The following MSI2 variants were observed in gnomAD, a reference collection of about 807,000 sequenced individuals.
MSI2 encodes RNA-binding protein Musashi homolog 2.
In MSI2, 17 loss-of-function variants were observed where a neutral mutation model predicts 45.6. That is an observed-to-expected ratio of 0.37 (90% CI 0.26 to 0.56). MSI2 has a LOEUF of 0.56. Among genes scored for constraint, MSI2 ranks in the 20% least tolerant of loss-of-function variants. MSI2 has a pLI of 0.77. For missense variants in MSI2, 293 were observed against 444.2 expected (o/e 0.66, Z 3.06); for synonymous variants, 156 against 158.2 (o/e 0.99, Z 0.11).
intron 7 of MSI2, among the ~76,000 whole-genome samples, chr17:57,533,369 C>G (rs1159816948): frequency 2.0e-5 from 3 of 152,226 alleles, no homozygotes; most frequent in Non-Finnish European, 4.4e-5. Flanking sequence ...TGTGGGGGCT[C>G]TCACCTTTCT....
At chr17:57,496,135 C>T (rs998678174) in intron 6 of MSI2, among the ~76,000 whole-genome samples, 5 of 152,120 alleles carry the variant, frequency 3.3e-5, no homozygotes, top group Non-Finnish European at 7.3e-5. Flanking sequence ...TAATTATTGT[C>T]GCTTGTGTCA....
chr17:57,406,743 CCT>C (rs1217682512), intron 6 of MSI2: 1 of 152,212 alleles, frequency 6.6e-6, no homozygotes, highest in Non-Finnish European at 1.5e-5. Context: ...TTTGTTCCTG[CCT>C]TTTATTGTCT....
intron 7 of MSI2, among the ~76,000 whole-genome samples, chr17:57,574,802 A>C (rs2087972634): frequency 6.6e-6 from 1 of 150,956 alleles, no homozygotes; most frequent in African/African-American, 2.4e-5. Context: ...GCCTTCAAAG[A>C]CACAAATTCT....
rs1913470958 is a variant in MSI2 at position 57,679,535 on chromosome 17, T to A, written c.*32-14T>A. The A allele has an allele frequency of 4.7e-6, 5 of 1,053,928 alleles. No homozygotes were observed. The South Asian group carries it at 1.4e-4, about 29-fold the overall frequency. 65.3% of individuals were successfully genotyped at this position (1,053,928 alleles called of 1,614,324 possible). ...TGTTTTCTTCTGGACATCCTGGCCTTCCCTGCCCTGCAGAGCATACCTGGA... is the reference window on the plus strand; with the variant it reads ...TGTTTTCTTCTGGACATCCTGGCCTACCCTGCCCTGCAGAGCATACCTGGA... On this transcript the variant is annotated splice_polypyrimidine_tract_variant and intron_variant, in intron 13 of 13. Coordinates refer to ENST00000284073, the MANE Select transcript of MSI2 (RefSeq NM_138962.4).
At chr17:57,521,731 G>A (rs1598360193) in intron 6 of MSI2, among the ~76,000 whole-genome samples, 1 of 152,166 alleles carries the variant, frequency 6.6e-6, no homozygotes, top group Non-Finnish European at 1.5e-5. Flanking sequence ...GGCCTTGGCT[G>A]TACCCTGGAT....
chr17:57,576,305 G>A (rs2088045586), intron 7 of MSI2, among the ~76,000 whole-genome samples: 1 of 152,200 alleles, frequency 6.6e-6, no homozygotes, highest in Non-Finnish European at 1.5e-5. Flanking sequence ...TCACAGCCTT[G>A]AAGGCAAGGG....
intron 6 of MSI2, among the ~76,000 whole-genome samples, chr17:57,421,693 G>A (rs2084399702): frequency 6.6e-6 from 1 of 152,160 alleles, no homozygotes; most frequent in Non-Finnish European, 1.5e-5. Context: ...AGACCAGTGT[G>A]GGTCACATAG....
chr17:57,592,616 G>T (rs1904941271), intron 7 of MSI2, among the ~76,000 whole-genome samples: 1 of 152,104 alleles, frequency 6.6e-6, no homozygotes. Flanking sequence ...ATGCATCCAG[G>T]GTACATAGGC....
intron 10 of MSI2, chr17:57,632,545 T>A: frequency 9.4e-7 from 1 of 1,066,980 alleles, no homozygotes. Flanking sequence ...TGTGCTGGCC[T>A]GGCCTTGCCT....
the MSI2 span, among the ~76,000 whole-genome samples, chr17:57,691,430 G>A: frequency 4.1e-3 from 617 of 152,284 alleles, 7 homozygotes; most frequent in African/African-American, 0.014. Flanking sequence ...AATTGTAATT[G>A]TGCTAAATCT....
At chr17:57,640,395 G>A (rs1910159244) in intron 10 of MSI2, among the ~76,000 whole-genome samples, 1 of 152,222 alleles carries the variant, frequency 6.6e-6, no homozygotes, top group Admixed American at 6.5e-5. Flanking sequence ...GAAATGCCAT[G>A]TAAATTAATA....
intron 9 of MSI2, among the ~76,000 whole-genome samples, chr17:57,619,729 G>C (rs1436730678): frequency 6.6e-6 from 1 of 152,274 alleles, no homozygotes. Flanking sequence ...ACTGGTCCCT[G>C]CGCTTATCTG....
chr17:57,400,799 T>G (rs980171283), intron 5 of MSI2, among the ~76,000 whole-genome samples: 5 of 151,894 alleles, frequency 3.3e-5, no homozygotes, highest in African/African-American at 1.2e-4. Context: ...TTAGCTGGGC[T>G]TGACTGGGTG....
chr17:57,334,667 G>T (rs1237302616), intron 5 of MSI2, among the ~76,000 whole-genome samples: 1 of 152,100 alleles, frequency 6.6e-6, no homozygotes, highest in East Asian at 1.9e-4. Flanking sequence ...GGTGGTGGAT[G>T]CCTGTGATCC....
chr17:57,387,619 T>G (rs1363403526), intron 5 of MSI2, among the ~76,000 whole-genome samples: 2 of 152,218 alleles, frequency 1.3e-5, no homozygotes, highest in East Asian at 3.8e-4. Context: ...CATTGGAAGT[T>G]GATGGGCTGG....
intron 6 of MSI2, among the ~76,000 whole-genome samples, chr17:57,481,555 G>A (rs1465793939): frequency 6.6e-6 from 1 of 152,150 alleles, no homozygotes; most frequent in Non-Finnish European, 1.5e-5. Context: ...AGTGACAATT[G>A]GTAGATTGTA....
At chr17:57,402,124 A>G (rs1446862967) in intron 6 of MSI2, among the ~76,000 whole-genome samples, 2 of 152,154 alleles carry the variant, frequency 1.3e-5, no homozygotes, top group Non-Finnish European at 2.9e-5. Context: ...AGACCGACTG[A>G]TAGGACATGT....
At chr17:57,536,470 C>T (rs1476459597) in intron 7 of MSI2, among the ~76,000 whole-genome samples, 1 of 152,170 alleles carries the variant, frequency 6.6e-6, no homozygotes, top group African/African-American at 2.4e-5. Flanking sequence ...AAGATTGGCT[C>T]CCACGCTGCC....
At chr17:57,269,161 G>A (rs1173607836) in intron 5 of MSI2, among the ~76,000 whole-genome samples, 5 of 152,142 alleles carry the variant, frequency 3.3e-5, no homozygotes, top group Admixed American at 6.5e-5. Context: ...TCTTCCTTCC[G>A]GCTAGGCACT....
Sources: gnomAD v4.1 joint callset for allele counts (sites outside exome capture counted in the v4.1 genomes callset) on GRCh38, gnomAD v4.1.1 for gene constraint, MANE v1.5 for transcripts, NCBI Gene and HGNC (gene_info 2026-07-23, HGNC 2026-07-21) for gene names.